Variants in OTUD7A observed in about 807,000 individuals in gnomAD.
OTUD7A encodes the protein OTU domain-containing protein 7A.
A neutral mutation model predicts 65.7 loss-of-function variants in OTUD7A; 12 were observed. The ratio of observed to expected loss-of-function variants is 0.18; its 90% CI spans 0.12 to 0.30. OTUD7A has a LOEUF of 0.30. OTUD7A is among the 10% of genes least tolerant of loss of function. The pLI is 1.00. For missense variants in OTUD7A, 1,148 were observed against 1,304.8 expected (o/e 0.88, Z 1.85); for synonymous variants, 641 against 586.3 (o/e 1.09, Z -1.35).
At chr15:31,833,390 G>C (rs147375544) in intron 1 of OTUD7A, among the ~76,000 whole-genome samples, 138 of 152,332 alleles carry the variant, frequency 9.1e-4, no homozygotes, top group African/African-American at 3.2e-3. Flanking sequence ...AAACTAAACA[G>C]ATTTCTTTAT....
At chr15:31,538,396 G>C (rs529128391) in intron 5 of OTUD7A, among the ~76,000 whole-genome samples, 49 of 152,280 alleles carry the variant, frequency 3.2e-4, no homozygotes, top group Admixed American at 2.1e-3. Flanking sequence ...GCTCCTGCTG[G>C]CTGGGTTAGT....
intron 8 of OTUD7A, among the ~76,000 whole-genome samples, chr15:31,515,058 T>G (rs1595573669): frequency 6.6e-6 from 1 of 151,816 alleles, no homozygotes; most frequent in African/African-American, 2.4e-5. Context: ...TGCCGGCGAG[T>G]GAATGGTTGA....
intron 1 of OTUD7A, among the ~76,000 whole-genome samples, chr15:31,795,938 C>A (rs1235650322): frequency 6.6e-6 from 1 of 152,168 alleles, no homozygotes; most frequent in African/African-American, 2.4e-5. Flanking sequence ...CTGAGCCTGG[C>A]CCCTAGGTAA....
At chr15:31,858,599 T>C (rs962875893) in intron 1 of OTUD7A, among the ~76,000 whole-genome samples, 2 of 152,136 alleles carry the variant, frequency 1.3e-5, no homozygotes, top group East Asian at 1.9e-4. Context: ...TACAATGCTA[T>C]ACAGATGCTG....
intron 1 of OTUD7A, among the ~76,000 whole-genome samples, chr15:31,840,463 T>A (rs542468507): frequency 2.6e-5 from 4 of 151,680 alleles, no homozygotes; most frequent in South Asian, 4.2e-4. Flanking sequence ...AAAATAAAAA[T>A]AAAAAATAAA....
In OTUD7A at chr15:31,723,402, C is replaced by G. The variant is rs77272973; in HGVS notation, c.-99-66325G>C. 1.2e-3 allele frequency among the ~76,000 whole-genome samples: 140 copies of G among 120,582 alleles called. 4 individuals are homozygous for G. Among genetic ancestry groups the G allele is most frequent in the Admixed American group, 2.4e-3 (29 of 12,226 alleles). 79.1% of individuals were successfully genotyped at this position (120,582 alleles called of 152,430 possible). A position where few individuals can be genotyped will look rare whatever the true frequency, so the allele number is the denominator to read the frequency against. The stretch of plus-strand genomic sequence containing the variant: ...CCCCCGCACCGCACGCCACCCCCCC[C>G]CCCCCGCCCCCCGTTTGCCCATGAA... On this transcript the variant is annotated intron_variant, in intron 1 of 12. Transcript: ENST00000307050.
intron 1 of OTUD7A, among the ~76,000 whole-genome samples, chr15:31,815,011 T>C (rs1234006423): frequency 3.9e-5 from 6 of 152,162 alleles, no homozygotes; most frequent in African/African-American, 9.7e-5. Context: ...CCCTGCCATG[T>C]TCCCTGACTC....
At chr15:31,786,661 G>C (rs925116497) in intron 1 of OTUD7A, among the ~76,000 whole-genome samples, 2 of 152,144 alleles carry the variant, frequency 1.3e-5, no homozygotes, top group Non-Finnish European at 2.9e-5. Flanking sequence ...CCTGCAGAGA[G>C]GTGTCCCTAA....
chr15:31,499,311 G>A (rs142800887), intron 10 of OTUD7A, among the ~76,000 whole-genome samples: 16 of 152,258 alleles, frequency 1.1e-4, no homozygotes, highest in African/African-American at 2.2e-4. Context: ...TTTATAGGAC[G>A]GACAGGGTAC....
intron 1 of OTUD7A, among the ~76,000 whole-genome samples, chr15:31,673,447 C>T (rs2338925): frequency 1.9e-4 from 29 of 152,322 alleles, no homozygotes; most frequent in African/African-American, 5.8e-4. Context: ...TCACCTTACA[C>T]GAGAACCTCC....
chr15:31,682,346 AG>A (rs1289031957), intron 1 of OTUD7A, among the ~76,000 whole-genome samples: 8 of 152,234 alleles, frequency 5.3e-5, no homozygotes, highest in African/African-American at 1.9e-4. Context: ...GTGCAATCCC[AG>A]TCAACATTCC....
intron 1 of OTUD7A, among the ~76,000 whole-genome samples, chr15:31,812,642 T>C (rs1896449467): frequency 6.6e-6 from 1 of 152,142 alleles, no homozygotes. Context: ...ATGGCTGCAA[T>C]GAAATGCATT....
At chr15:31,495,905 A>G (rs1436175220) in intron 10 of OTUD7A, among the ~76,000 whole-genome samples, 2 of 151,936 alleles carry the variant, frequency 1.3e-5, no homozygotes, top group African/African-American at 4.8e-5. Context: ...GTCTGTACCA[A>G]AAGTACAGAA....
chr15:31,603,765 C>T (rs1167267674), intron 3 of OTUD7A, among the ~76,000 whole-genome samples: 2 of 152,080 alleles, frequency 1.3e-5, no homozygotes, highest in Non-Finnish European at 2.9e-5. Flanking sequence ...CAAACAACCC[C>T]ACCAAAAAGT....
At chr15:31,542,015 A>T (rs1037702770) in intron 5 of OTUD7A, among the ~76,000 whole-genome samples, 3 of 152,112 alleles carry the variant, frequency 2.0e-5, no homozygotes, top group African/African-American at 7.2e-5. Flanking sequence ...CAAGAAATTA[A>T]CCTAAAATTG....
chr15:31,572,306 T>C (rs1889078796), intron 3 of OTUD7A, among the ~76,000 whole-genome samples: 1 of 152,216 alleles, frequency 6.6e-6, no homozygotes, highest in African/African-American at 2.4e-5. Context: ...CTTCCAGGAA[T>C]AGTTCCTCCA....
At position 31,516,911 on chromosome 15, in the gene OTUD7A, T is replaced by C. The variant is rs114517545; in HGVS notation, c.893+9438A>G. ...TAAAAACCTTTGAACTTGCTTCCCA[T>C]TGTGGCGGTGGATTGAATTTGCACC... On this transcript the variant is annotated intron_variant, in intron 8 of 12. Transcript: ENST00000307050. 9.7e-3 allele frequency among the ~76,000 whole-genome samples: 1,474 copies of C among 152,258 alleles called. 22 individuals carry two copies. Among genetic ancestry groups the C allele is most frequent in the African/African-American group, 0.033 (1,363 of 41,538 alleles).
At chr15:31,826,164 A>C (rs1896792669) in intron 1 of OTUD7A, among the ~76,000 whole-genome samples, 2 of 152,142 alleles carry the variant, frequency 1.3e-5, no homozygotes, top group African/African-American at 4.8e-5. Flanking sequence ...TGGGGCTCCG[A>C]CCCCACATTT....
intron 3 of OTUD7A, among the ~76,000 whole-genome samples, chr15:31,578,218 A>G (rs915566446): frequency 6.6e-6 from 1 of 152,194 alleles, no homozygotes; most frequent in Non-Finnish European, 1.5e-5. Context: ...ACCAGCATTT[A>G]ACATCCAGCA....
Sources: gnomAD v4.1 joint callset for allele counts (sites outside exome capture counted in the v4.1 genomes callset) on GRCh38, gnomAD v4.1.1 for gene constraint, MANE v1.5 for transcripts, NCBI Gene and HGNC (gene_info 2026-07-23, HGNC 2026-07-21) for gene names.